Variants in KIFAP3 observed in about 807,000 individuals in gnomAD.
KIFAP3 encodes the protein kinesin associated protein 3, also known as kinesin-associated protein 3.
KIFAP3 carries 68 observed loss-of-function variants against 106.5 expected under a neutral mutation model. The observed-to-expected ratio is 0.64, with a 90% CI of 0.53 to 0.78. The LOEUF (loss-of-function observed/expected upper bound fraction) is 0.78, where lower values mean the gene tolerates loss of function less well. Ranked by LOEUF, KIFAP3 falls within the 30% of genes least tolerant of loss-of-function variation. The pLI is 0.00. For missense variants in KIFAP3, 780 were observed against 941.8 expected (o/e 0.83, Z 2.25); for synonymous variants, 320 against 311.5 (o/e 1.03, Z -0.29).
At chr1:170,039,036 TAGAGCAAAAAAAGC>T in intron 4 of KIFAP3, among the ~76,000 whole-genome samples, 183 bp downstream of exon 4, 1 of 152,246 alleles carries the variant, frequency 6.6e-6, no homozygotes, top group South Asian at 2.1e-4. Flanking sequence ...TGAGATGAGA[TAGAGCAAAAAAAGC>T]AGAACCAATA....
intron 1 of KIFAP3, among the ~76,000 whole-genome samples, chr1:170,070,748 C>T (rs900746069): frequency 6.6e-6 from 1 of 152,140 alleles, no homozygotes; most frequent in East Asian, 1.9e-4. Context: ...ACCTTCATGA[C>T]CTTGGATTTA....
chr1:169,961,038 G>C lies in KIFAP3; in HGVS notation c.2173+8C>G. The C allele has an allele frequency of 6.2e-7, 1 of 1,607,642 alleles. No individual in the cohort carries two copies. The highest frequency in any genetic ancestry group is 8.5e-7 in the Non-Finnish European group (1 of 1,176,634). On this transcript the variant is annotated splice_region_variant and intron_variant, in intron 18 of 19. Coordinates refer to ENST00000361580, the MANE Select transcript of KIFAP3 (RefSeq NM_014970.4). ...TAATAAACTGTTTACTTTCGCTTTG[G>C]TTATCACCTGAGTTGTAGAAAAGGT...
chr1:170,046,519 A>G (rs557039195), intron 3 of KIFAP3, among the ~76,000 whole-genome samples, 193 bp downstream of exon 3: 12 of 152,344 alleles, frequency 7.9e-5, no homozygotes, highest in Non-Finnish European at 1.8e-4. Flanking sequence ...ATGTGGAAGC[A>G]TCTAATATAA....
At chr1:170,081,406 T>C (rs1216629360) in intron 1 of KIFAP3, among the ~76,000 whole-genome samples, 4 of 152,232 alleles carry the variant, frequency 2.6e-5, no homozygotes, top group African/African-American at 9.6e-5. Flanking sequence ...CTTAGTGGCC[T>C]AAAACTTAAA....
Position 169,982,195 on chromosome 1 carries a change from C to G in KIFAP3, c.1673-98G>C, listed in dbSNP as rs1351009527. ...AAATACACAGAAAGGATACTGAAAG[C>G]TATTAAATCAAGTCATATGAATCCT... On this transcript the variant is annotated intron_variant, in intron 14 of 19. Transcript: ENST00000361580. The G allele has an allele frequency of 3.2e-6, 4 of 1,248,100 alleles. No individual in the cohort carries two copies. In the South Asian group the frequency reaches 4.3e-5, roughly 13 times the overall value. The allele number at this position is 1,248,100 out of a possible 1,614,324, so 77.3% of individuals were successfully genotyped here.
At chr1:169,956,086 T>C (rs559628148) in intron 18 of KIFAP3, among the ~76,000 whole-genome samples, 4 of 152,232 alleles carry the variant, frequency 2.6e-5, no homozygotes, top group African/African-American at 7.2e-5. Flanking sequence ...GTTCCTCTGT[T>C]AAATTAAAAC....
At chr1:169,946,919 A>C (rs1260629687) in intron 19 of KIFAP3, among the ~76,000 whole-genome samples, 1 of 151,868 alleles carries the variant, frequency 6.6e-6, no homozygotes, top group East Asian at 1.9e-4. Context: ...ATACTATAAA[A>C]ATTTTTTATT....
intron 18 of KIFAP3, among the ~76,000 whole-genome samples, chr1:169,956,382 AT>A (rs1445019328): frequency 2.6e-5 from 4 of 152,160 alleles, no homozygotes; most frequent in African/African-American, 9.7e-5. Flanking sequence ...TCAACATCTT[AT>A]TTTTGATTCA....
chr1:169,980,211 A>C (rs546214447), intron 15 of KIFAP3, among the ~76,000 whole-genome samples: 1 of 152,232 alleles, frequency 6.6e-6, no homozygotes, highest in Admixed American at 6.5e-5. Context: ...TTACACTGAA[A>C]ATACATTGAG....
At chr1:170,039,955 CAAA>C (rs1669888444) in intron 3 of KIFAP3, among the ~76,000 whole-genome samples, 1 of 152,100 alleles carries the variant, frequency 6.6e-6, no homozygotes, top group African/African-American at 2.4e-5. Context: ...AAAAAACTAT[CAAA>C]TATACTTTAT....
chr1:169,964,843 A>G (rs1361472315), intron 17 of KIFAP3, among the ~76,000 whole-genome samples: 2 of 152,230 alleles, frequency 1.3e-5, no homozygotes, highest in East Asian at 3.8e-4. Flanking sequence ...TAAGATTCAT[A>G]TAACTTCACA....
At chr1:170,035,368 C>A in intron 6 of KIFAP3, 86 bp downstream of exon 6, 1 of 737,634 alleles carries the variant, frequency 1.4e-6, no homozygotes. Flanking sequence ...ACTGAGAGAA[C>A]AAGTGATCTA....
At chr1:170,062,529 A>G (rs1395159024) in intron 1 of KIFAP3, among the ~76,000 whole-genome samples, 1 of 152,224 alleles carries the variant, frequency 6.6e-6, no homozygotes, top group Admixed American at 6.5e-5. Flanking sequence ...GCTCTGGTCA[A>G]GGTCATCAAT....
intron 9 of KIFAP3, among the ~76,000 whole-genome samples, chr1:170,017,704 C>T (rs955623519): frequency 1.3e-5 from 2 of 152,146 alleles, no homozygotes; most frequent in Non-Finnish European, 2.9e-5. Context: ...TGGTCAGATG[C>T]GTTCCTAGAC....
intron 19 of KIFAP3, among the ~76,000 whole-genome samples, chr1:169,951,064 A>G (rs1664702752): frequency 6.6e-6 from 1 of 151,964 alleles, no homozygotes; most frequent in Non-Finnish European, 1.5e-5. Context: ...AGAGTAAGTC[A>G]GTAAAACAAA....
chr1:170,000,885 T>G (rs1365933425), intron 10 of KIFAP3, among the ~76,000 whole-genome samples: 2 of 152,082 alleles, frequency 1.3e-5, no homozygotes, highest in Non-Finnish European at 2.9e-5. Flanking sequence ...TATGAAAACA[T>G]TAAGTACAAC....
chr1:169,977,205 A>G (rs1420667579), intron 16 of KIFAP3, among the ~76,000 whole-genome samples: 1 of 152,210 alleles, frequency 6.6e-6, no homozygotes, highest in East Asian at 1.9e-4. Flanking sequence ...TATATGTAGT[A>G]AAAGAGTTAG....
chr1:170,002,023 A>G (rs1008783011), intron 10 of KIFAP3, among the ~76,000 whole-genome samples: 5 of 152,174 alleles, frequency 3.3e-5, no homozygotes, highest in Admixed American at 2.6e-4. Flanking sequence ...TTTTAAAGAC[A>G]TATGACAGAA....
intron 19 of KIFAP3, among the ~76,000 whole-genome samples, chr1:169,933,521 G>C (rs1318103948): frequency 2.0e-5 from 3 of 151,874 alleles, no homozygotes; most frequent in Non-Finnish European, 2.9e-5. Flanking sequence ...GATGAAGCAT[G>C]GTATTTCTAT....
Sources: allele counts gnomAD v4.1 joint callset (sites outside exome capture counted in the v4.1 genomes callset), GRCh38; gene constraint gnomAD v4.1.1; transcripts MANE v1.5; gene names NCBI Gene and HGNC (gene_info 2026-07-23, HGNC 2026-07-21).